Variants in SMARCC2 observed in about 807,000 individuals in gnomAD.
SMARCC2 encodes SWI/SNF related BAF chromatin remodeling complex subunit C2.
Under a neutral mutation model 151.3 loss-of-function variants are expected in SMARCC2, and 15 were observed. That is an observed-to-expected ratio of 0.10 (90% CI 0.07 to 0.15). The LOEUF is 0.15. Ranked by LOEUF, SMARCC2 falls within the 10% of genes least tolerant of loss-of-function variation. The probability of loss-of-function intolerance (pLI) is 1.00; values close to 1 mark genes in which losing one functional copy is unlikely to be tolerated. For missense variants in SMARCC2, 1,031 were observed against 1,599.7 expected, an observed-to-expected ratio of 0.64 and a Z score of 6.06; for synonymous variants, 590 against 609.5, an observed-to-expected ratio of 0.97 and a Z score of 0.47.
In SMARCC2 at chr12:56,184,943, AG is replaced by A. The variant is rs778890120; in HGVS notation, c.400-8del. ...GTCGAGACAGGCAATTATTCTGTGG[AG>A]AGAAGAAATAGAATGAGATTATAGG... On this transcript the variant is annotated splice_polypyrimidine_tract_variant and splice_region_variant and intron_variant, in intron 4 of 28. Coordinates refer to ENST00000550164, the MANE Select transcript of SMARCC2 (RefSeq NM_001330288.2). The A allele has an allele frequency of 5.0e-6, 8 of 1,609,722 alleles. No homozygotes were observed. In the South Asian group the frequency reaches 8.8e-5, roughly 18 times the overall value.
chr12:56,165,209 A>T, intron 27 of SMARCC2, 109 bp downstream of exon 27: 1 of 1,332,556 alleles, frequency 7.5e-7, no homozygotes, highest in Non-Finnish European at 9.8e-7. Context: ...CATCTGTAGA[A>T]ATTGAGGCTA....
intron 8 of SMARCC2, 26 bp downstream of exon 8, chr12:56,181,978 G>T (rs1565918111): frequency 1.3e-6 from 2 of 1,596,604 alleles, no homozygotes; most frequent in Non-Finnish European, 1.7e-6. Context: ...TCTTTTTGGG[G>T]AAGAGGGGAT....
intron 18 of SMARCC2, 107 bp downstream of exon 18, chr12:56,172,830 C>T (rs1254509839): frequency 1.1e-5 from 17 of 1,562,914 alleles, no homozygotes; most frequent in African/African-American, 2.7e-5. Context: ...GTGGGACTTC[C>T]TCCCTTACTG....
chr12:56,169,619 T>G lies in SMARCC2; in HGVS notation c.2625A>C (p.Glu875Asp), dbSNP rs1330482770. 6.2e-7 allele frequency: 1 copy of G among 1,613,890 alleles called. No individual in the cohort carries two copies. The highest frequency in any genetic ancestry group is 1.1e-5 in the South Asian group (1 of 91,078). Residue 875 changes from glutamate (E) to aspartate (D), a missense_variant, in exon 25 of 29, where the codon GAA (glutamate) becomes GAC (aspartate). Coordinates refer to ENST00000550164, the MANE Select transcript of SMARCC2 (RefSeq NM_001330288.2). Reference sequence around the variant, plus strand: ...TGTCCCGCTCCACCTTTGTCTTCCTTTCCCCCTCAGACTCCACCACTTCCT... The same window carrying G: ...TGTCCCGCTCCACCTTTGTCTTCCTGTCCCCCTCAGACTCCACCACTTCCT... ...VLKEVVESEG[E>D]RKTKVERDIG...
chr12:56,173,570 G>T, intron 17 of SMARCC2, 126 bp downstream of exon 17: 1 of 832,830 alleles, frequency 1.2e-6, no homozygotes, highest in Non-Finnish European at 1.9e-6. Context: ...GTGACCCTTT[G>T]CATCCCATGG....
rs760463432 is a variant in SMARCC2, at chr12:56,179,032, G to A, written c.1106C>T (p.Ser369Leu). ...KTVNTKKDSE[S>L]APVKGGTMTD... ...CATGGTGCCGCCTTTGACTGGGGCCGACTCTGAGTCTTTCTTTGTGTTGAC... is the reference window on the plus strand; with the variant it reads ...CATGGTGCCGCCTTTGACTGGGGCCAACTCTGAGTCTTTCTTTGTGTTGAC... The change falls in exon 12 of 29, where the codon TCG (serine) becomes TTG (leucine). Residue 369 changes from serine (S) to leucine (L), a missense_variant. Ser to Leu is a moderately radical substitution (Grantham distance 145). Around this residue, in one of 12 missense-constraint regions of SMARCC2, gnomAD observed 127 missense variants for 141.7 expected, o/e 0.90. Transcript: ENST00000550164. The A allele has an allele frequency of 6.8e-6, 11 of 1,614,058 alleles. No individual in the cohort carries two copies. Among genetic ancestry groups the A allele is most frequent in the East Asian group, 6.7e-5 (3 of 44,896 alleles).
chr12:56,172,136 T>C (rs1874063750), intron 20 of SMARCC2, 199 bp from the exon 21 acceptor site: 1 of 579,446 alleles, frequency 1.7e-6, no homozygotes, highest in Non-Finnish European at 3.0e-6. Flanking sequence ...ATCCCCAGCC[T>C]GGAGCTGGTC....
intron 23 of SMARCC2, 23 bp downstream of exon 23, chr12:56,170,121 A>T: frequency 3.1e-6 from 5 of 1,605,224 alleles, no homozygotes; most frequent in Non-Finnish European, 4.3e-6. Context: ...CAGCCCCTGC[A>T]GCTTCCAGAA....
chr12:56,170,724 CT>C (rs36061638), intron 22 of SMARCC2, among the ~76,000 whole-genome samples: 5,733 of 90,974 alleles, frequency 0.063, 88 homozygotes, highest in Non-Finnish European at 0.076. Flanking sequence ...CTTCACAAGA[CT>C]TTTTTTTTTT....
rs1873939226 is a variant in SMARCC2 at position 56,171,461 on chromosome 12, G to A, written c.2186-29C>T. ...CAAGACCCAGAAAGAATGAGGCTGG[G>A]AGCGGCACAGTGGAACAGTTCTGGC... On this transcript the variant is annotated intron_variant, in intron 21 of 28. Transcript: ENST00000550164. This position sits in a 1 kb window ranked among gnomAD's most constrained non-coding sequence, Gnocchi z 4.2. 9.3e-6 allele frequency: 15 copies of A among 1,613,952 alleles called. No homozygotes were observed. Among genetic ancestry groups the A allele is most frequent in the Non-Finnish European group, 1.3e-5 (15 of 1,179,832 alleles).
intron 10 of SMARCC2, 27 bp from the exon 11 acceptor site, chr12:56,181,128 A>G (rs770715031): frequency 6.2e-7 from 1 of 1,600,298 alleles, no homozygotes; most frequent in Non-Finnish European, 8.5e-7. Flanking sequence ...GTGAAAGAGA[A>G]CCCAGTCATC....
chr12:56,175,490 G>A (rs1445727007), intron 15 of SMARCC2, among the ~76,000 whole-genome samples: 2 of 152,164 alleles, frequency 1.3e-5, no homozygotes, highest in African/African-American at 4.8e-5. Flanking sequence ...GAGGACCTTG[G>A]CAATTTACTT....
Position 56,169,845 on chromosome 12 carries a change from T to C in SMARCC2, c.2479A>G (p.Lys827Glu). The change falls in exon 24 of 29, where the codon AAG (lysine) becomes GAG (glutamate). Residue 827 changes from lysine to glutamate, a missense_variant. Around this residue, in one of 12 missense-constraint regions of SMARCC2, gnomAD observed 119 missense variants for 184.2 expected, o/e 0.65. Coordinates refer to ENST00000550164, the MANE Select transcript of SMARCC2 (RefSeq NM_001330288.2). The stretch of plus-strand genomic sequence containing the variant: ...CCTTCTTTCCCTTTCTCCTCATCCT[T>C]CTTGGGAGCCTCGCTGGTTTTCTCT... ...AKEKTSEAPK[K>E]DEEKGKEGDS... 6.2e-7 allele frequency: 1 copy of C among 1,613,992 alleles called. No individual in the cohort carries two copies. Among genetic ancestry groups the C allele is most frequent in the Non-Finnish European group, 8.5e-7 (1 of 1,179,940 alleles).
chr12:56,184,807 T>A (rs769766427), intron 5 of SMARCC2, 37 bp downstream of exon 5: 1 of 1,220,422 alleles, frequency 8.2e-7, no homozygotes, highest in Non-Finnish European at 1.2e-6. Context: ...AAAACAGTCA[T>A]GGAGTTTCTG....
intron 20 of SMARCC2, 127 bp downstream of exon 20, chr12:56,172,301 C>T (rs1199291495): frequency 1.3e-5 from 11 of 829,560 alleles, no homozygotes; most frequent in Admixed American, 1.1e-4. Context: ...AGGTTCATCT[C>T]GAACTCCTGG....
At position 56,169,651 on chromosome 12, in the gene SMARCC2, C is replaced by T. The variant is rs1336316036; in HGVS notation, c.2593G>A (p.Val865Met). Residue 865 changes from valine to methionine, a missense_variant, in exon 25 of 29, where the codon GTG becomes ATG. By Grantham distance (21) the Val-to-Met change is conservative. Around this residue, in one of 12 missense-constraint regions of SMARCC2, gnomAD observed 119 missense variants for 184.2 expected, o/e 0.65. Transcript: ENST00000550164. ...EKEPKEGQEE[V>M]LKEVVESEGE... ...TCAGACTCCACCACTTCCTTCAGCA[C>T]TTCCTCCTGCCCTTCCTTTGGCTCC... is the stretch of plus-strand genomic sequence containing the variant. The T allele has an allele frequency of 6.2e-7, 1 of 1,614,206 alleles. No homozygotes were observed. The highest frequency in any genetic ancestry group is 8.5e-7 in the Non-Finnish European group (1 of 1,180,032).
chr12:56,174,895 T>G, intron 15 of SMARCC2, 131 bp from the exon 16 acceptor site: 5 of 638,304 alleles, frequency 7.8e-6, no homozygotes, highest in Non-Finnish European at 2.8e-6. Flanking sequence ...ATTATTTGAC[T>G]CTACATGCTG....
intron 3 of SMARCC2, 124 bp downstream of exon 3, chr12:56,186,031 A>G (rs1877166508): frequency 2.7e-6 from 2 of 729,582 alleles, no homozygotes; most frequent in Non-Finnish European, 4.8e-6. Flanking sequence ...GTAGTAAGTC[A>G]GGTCTACTGA....
At chr12:56,181,650 T>C (rs1311607944) in intron 9 of SMARCC2, 53 bp from the exon 10 acceptor site, 3 of 1,613,406 alleles carry the variant, frequency 1.9e-6, no homozygotes, top group East Asian at 4.5e-5. Context: ...CACTGAAGAT[T>C]TGTTCTGAGA....
Sources: gnomAD v4.1 joint callset for allele counts (sites outside exome capture counted in the v4.1 genomes callset) on GRCh38, gnomAD v4.1.1 for gene constraint, gnomAD v4.1.1 regional missense constraint, Gnocchi (gnomAD v3.1) non-coding constraint, MANE v1.5 for transcripts, NCBI Gene and HGNC (gene_info 2026-07-23, HGNC 2026-07-21) for gene names.